Variants in SYT14 observed in about 807,000 individuals in gnomAD.
SYT14 encodes synaptotagmin-14.
SYT14 carries 32 observed loss-of-function variants against 74.2 expected under a neutral mutation model. The observed-to-expected ratio is 0.43, with a 90% CI of 0.33 to 0.58. SYT14 has a LOEUF of 0.58. Ranked by LOEUF, SYT14 falls within the 20% of genes least tolerant of loss-of-function variation. The probability of loss-of-function intolerance (pLI) is 0.05; values close to 1 mark genes in which losing one functional copy is unlikely to be tolerated. For synonymous variants in SYT14, 298 were observed against 337.7 expected, an observed-to-expected ratio of 0.88 and a Z score of 1.29; for missense variants, 791 against 981.8, an observed-to-expected ratio of 0.81 and a Z score of 2.60.
chr1:209,952,168 C>T (rs150195262), intron 1 of SYT14, among the ~76,000 whole-genome samples: 63 of 152,040 alleles, frequency 4.1e-4, no homozygotes, highest in African/African-American at 1.4e-3. Context: ...AGAAACATTA[C>T]GAAAGACTCT....
intron 5 of SYT14, among the ~76,000 whole-genome samples, chr1:210,049,698 C>G (rs1216786094): frequency 6.6e-6 from 1 of 152,136 alleles, no homozygotes; most frequent in African/African-American, 2.4e-5. Flanking sequence ...GTTTTCTGTT[C>G]CTGCCCAAAC....
At chr1:209,974,865 G>C (rs2079328368) in intron 2 of SYT14, among the ~76,000 whole-genome samples, 1 of 152,156 alleles carries the variant, frequency 6.6e-6, no homozygotes, top group African/African-American at 2.4e-5. Flanking sequence ...TCTTCCGTTT[G>C]TTTGTATCCT....
chr1:209,998,614 A>G (rs905295097), intron 2 of SYT14, among the ~76,000 whole-genome samples: 2 of 152,134 alleles, frequency 1.3e-5, no homozygotes, highest in African/African-American at 4.8e-5. Context: ...AACCAATGGA[A>G]TAGAACAAAG....
In SYT14 at chr1:210,124,260, T is replaced by A. The variant is rs919848973; in HGVS notation, c.2034+23799T>A. On this transcript the variant is annotated intron_variant, in intron 7 of 9. Coordinates refer to ENST00000637265, the Ensembl canonical transcript of SYT14. ...GACAGAAATGAAAAAAAAAAATAAA[T>A]AAATAACTCCAGGAAATATAAAAGG... is the stretch of plus-strand genomic sequence containing the variant. Among the ~76,000 whole-genome samples, 313 of 147,392 alleles carry A rather than the reference T, an allele frequency of 2.1e-3. 1 individual carries two copies. Among genetic ancestry groups the A allele is most frequent in the African/African-American group, 7.9e-3 (303 of 38,346 alleles).
intron 6 of SYT14, among the ~76,000 whole-genome samples, chr1:210,098,073 G>C (rs12405667): frequency 0.011 from 1,672 of 152,134 alleles, 17 homozygotes; most frequent in Non-Finnish European, 0.017. Context: ...TACTCAGGAG[G>C]CTGAGGCAGG....
At chr1:210,108,621 A>G (rs2082201905) in intron 7 of SYT14, among the ~76,000 whole-genome samples, 1 of 149,568 alleles carries the variant, frequency 6.7e-6, no homozygotes, top group Non-Finnish European at 1.5e-5. Flanking sequence ...AATGCAAATG[A>G]TTTGATTAAA....
intron 2 of SYT14, among the ~76,000 whole-genome samples, chr1:209,958,082 A>C (rs2079020828): frequency 6.6e-6 from 1 of 151,998 alleles, no homozygotes; most frequent in Admixed American, 6.6e-5. Flanking sequence ...AATCCATCTG[A>C]AATTGATTTT....
intron 5 of SYT14, among the ~76,000 whole-genome samples, chr1:210,056,822 C>A (rs2081107380): frequency 7.4e-6 from 1 of 135,146 alleles, no homozygotes; most frequent in Non-Finnish European, 1.5e-5. Context: ...TTGAAAGCTT[C>A]CAGTTGTTAC....
intron 5 of SYT14, among the ~76,000 whole-genome samples, chr1:210,023,375 A>G (rs2080342064): frequency 6.6e-6 from 1 of 152,024 alleles, no homozygotes; most frequent in African/African-American, 2.4e-5. Context: ...ATGGAGTCTG[A>G]CTCTGTTGCC....
chr1:209,985,050 T>G (rs1441755529), intron 2 of SYT14, among the ~76,000 whole-genome samples: 1 of 152,178 alleles, frequency 6.6e-6, no homozygotes, highest in Non-Finnish European at 1.5e-5. Context: ...ACAAGCTATA[T>G]CATTCCACCC....
At chr1:209,974,714 T>C (rs1030648453) in intron 2 of SYT14, among the ~76,000 whole-genome samples, 2 of 152,164 alleles carry the variant, frequency 1.3e-5, no homozygotes, top group Non-Finnish European at 2.9e-5. Flanking sequence ...TGGTTCCATA[T>C]GAACTTTAAA....
intron 5 of SYT14, among the ~76,000 whole-genome samples, chr1:210,026,652 A>G (rs1160838315): frequency 1.4e-5 from 2 of 146,964 alleles, no homozygotes; most frequent in African/African-American, 5.0e-5. Context: ...ACTCACCCCT[A>G]CTTGTCATTC....
intron 5 of SYT14, among the ~76,000 whole-genome samples, chr1:210,034,037 A>G (rs902402735): frequency 6.6e-5 from 10 of 151,984 alleles, no homozygotes; most frequent in African/African-American, 2.2e-4. Flanking sequence ...AGTTCTGCAA[A>G]TAACAATAGC....
At chr1:210,048,759 G>A (rs1295510793) in intron 5 of SYT14, among the ~76,000 whole-genome samples, 8 of 152,070 alleles carry the variant, frequency 5.3e-5, no homozygotes, top group South Asian at 2.1e-4. Context: ...GCATTAACTC[G>A]GAAGTCCACA....
At chr1:210,066,922 T>G (rs1261533413) in intron 5 of SYT14, among the ~76,000 whole-genome samples, 2 of 152,126 alleles carry the variant, frequency 1.3e-5, no homozygotes, top group African/African-American at 4.8e-5. Flanking sequence ...ATTTTTCATT[T>G]TCTTCCAAGA....
chr1:210,121,547 C>T (rs2082461750), intron 7 of SYT14, among the ~76,000 whole-genome samples: 1 of 152,132 alleles, frequency 6.6e-6, no homozygotes, highest in African/African-American at 2.4e-5. Flanking sequence ...GTAATCCCAG[C>T]ACTTTGGGAG....
exon 10 of SYT14, chr1:210,164,334 A>G (rs1485615501): frequency 4.6e-6 from 1 of 216,192 alleles, no homozygotes; most frequent in Admixed American, 5.2e-5. Context: ...ATTAATATAC[A>G]CATGTTTAAA....
intron 2 of SYT14, among the ~76,000 whole-genome samples, chr1:209,977,145 C>G (rs2079382409): frequency 6.6e-6 from 1 of 152,114 alleles, no homozygotes; most frequent in Non-Finnish European, 1.5e-5. Context: ...ACTGATTGGT[C>G]TTGACTGTTT....
intron 7 of SYT14, among the ~76,000 whole-genome samples, chr1:210,124,928 A>C (rs2082537713): frequency 6.6e-6 from 1 of 151,508 alleles, no homozygotes; most frequent in African/African-American, 2.4e-5. Flanking sequence ...AGCATTCTGG[A>C]TGCTAGTCAG....
Sources: gnomAD v4.1 joint callset for allele counts (sites outside exome capture counted in the v4.1 genomes callset) on GRCh38, gnomAD v4.1.1 for gene constraint, MANE v1.5 for transcripts, NCBI Gene and HGNC (gene_info 2026-07-23, HGNC 2026-07-21) for gene names.